Variants in PCDH9 observed in about 807,000 individuals in gnomAD.
The protein encoded by PCDH9 is protocadherin 9.
Under a neutral mutation model 70.6 loss-of-function variants are expected in PCDH9, and 24 were observed. The ratio of observed to expected loss-of-function variants is 0.34; its 90% CI spans 0.25 to 0.48. The LOEUF is 0.48. Ranked by LOEUF, PCDH9 falls within the 20% of genes least tolerant of loss-of-function variation. The pLI is 0.99. For missense variants in PCDH9, 1,281 were observed against 1,503.6 expected (o/e 0.85, Z 2.45); for synonymous variants, 562 against 558.5 (o/e 1.01, Z -0.09).
chr13:67,066,002 T>C (rs979443495), intron 2 of PCDH9, among the ~76,000 whole-genome samples: 1 of 152,172 alleles, frequency 6.6e-6, no homozygotes, highest in Non-Finnish European at 1.5e-5. Flanking sequence ...TCAAATTTTC[T>C]GGATAATATG....
intron 4 of PCDH9, among the ~76,000 whole-genome samples, chr13:66,365,402 T>A (rs1956537606): frequency 6.6e-6 from 1 of 152,210 alleles, no homozygotes; most frequent in Non-Finnish European, 1.5e-5. Context: ...ATGTTATAAC[T>A]GGCACAATGT....
Position 66,698,895 on chromosome 13 carries a change from C to CT in PCDH9, c.3139-67485dup, listed in dbSNP as rs67333897. 7.0e-3 allele frequency among the ~76,000 whole-genome samples: 430 copies of CT among 61,014 alleles called. 2 individuals are homozygous for CT. The highest frequency in any genetic ancestry group is 0.01 in the South Asian group (13 of 1,256). 40.0% of individuals were successfully genotyped at this position (61,014 alleles called of 152,430 possible). On this transcript the variant is annotated intron_variant, in intron 3 of 4. Coordinates refer to ENST00000377865, the MANE Select transcript of PCDH9 (RefSeq NM_203487.3). ...AGACACTTCGCCCGGCTCAATTCCT[C>CT]TTTTTTTTTTTTTTTTTTTTTTGTT...
intron 3 of PCDH9, among the ~76,000 whole-genome samples, chr13:66,704,496 C>T (rs1481115097): frequency 6.6e-6 from 1 of 151,926 alleles, no homozygotes; most frequent in African/African-American, 2.4e-5. Flanking sequence ...CATTCCTAAA[C>T]TTAAAATGAA....
rs564771345 is a variant in PCDH9, at chr13:66,565,804, G to C, written c.3340+65406C>G. Among the ~76,000 whole-genome samples the C allele has an allele frequency of 2.1e-4, 32 of 152,200 alleles. No homozygotes were observed. In the South Asian group the frequency reaches 6.2e-3, roughly 30 times the overall value. On this transcript the variant is annotated intron_variant, in intron 4 of 4. Coordinates refer to ENST00000377865, the MANE Select transcript of PCDH9 (RefSeq NM_203487.3). ...TCCTTCAACAACATTGGTCTGTTAG[G>C]ATATAAATATAAAGGGATTTTGTTC...
chr13:66,322,449 T>G (rs555689412), intron 4 of PCDH9, among the ~76,000 whole-genome samples: 1 of 152,102 alleles, frequency 6.6e-6, no homozygotes, highest in Admixed American at 6.5e-5. Context: ...TAAGGGATCT[T>G]TAGGGACTGG....
At chr13:66,559,817 A>AAAAAATATAT (rs71677008) in intron 4 of PCDH9, among the ~76,000 whole-genome samples, 2 of 93,102 alleles carry the variant, frequency 2.1e-5, no homozygotes, top group African/African-American at 8.8e-5. Context: ...AAAAAAAAAA[A>AAAAAATATAT]ATATATATAT....
At chr13:67,144,676 C>A (rs2087477530) in intron 2 of PCDH9, among the ~76,000 whole-genome samples, 1 of 152,040 alleles carries the variant, frequency 6.6e-6, no homozygotes. Flanking sequence ...GCAAAGAATA[C>A]CTTTGTATAT....
chr13:67,074,268 T>C (rs2085833350), intron 2 of PCDH9, among the ~76,000 whole-genome samples: 1 of 152,046 alleles, frequency 6.6e-6, no homozygotes, highest in Non-Finnish European at 1.5e-5. Context: ...ATGGAATTAG[T>C]GCCTTTGTAA....
chr13:67,002,014 T>A (rs1406927303), intron 2 of PCDH9: 1 of 152,192 alleles, frequency 6.6e-6, no homozygotes, highest in East Asian at 1.9e-4. Context: ...AGAAATGTGC[T>A]CCTTGTTTTC....
At chr13:66,775,483 A>G (rs368875693) in intron 3 of PCDH9, among the ~76,000 whole-genome samples, 1 of 152,086 alleles carries the variant, frequency 6.6e-6, no homozygotes, top group Admixed American at 6.5e-5. Flanking sequence ...CCACTTGTAC[A>G]TGGATTTCCT....
chr13:66,905,066 T>C (rs1211638443), intron 2 of PCDH9, among the ~76,000 whole-genome samples: 1 of 152,088 alleles, frequency 6.6e-6, no homozygotes, highest in Non-Finnish European at 1.5e-5. Flanking sequence ...TAAGTAACTT[T>C]CATGTGTAAT....
intron 4 of PCDH9, among the ~76,000 whole-genome samples, chr13:66,480,211 G>C (rs1023668036): frequency 6.6e-6 from 1 of 152,192 alleles, no homozygotes; most frequent in Non-Finnish European, 1.5e-5. Context: ...TGCAGATGTG[G>C]TGGGAATAGC....
At chr13:67,059,735 C>T (rs1204705038) in intron 2 of PCDH9, among the ~76,000 whole-genome samples, 2 of 151,862 alleles carry the variant, frequency 1.3e-5, no homozygotes, top group African/African-American at 4.8e-5. Flanking sequence ...TCTGTTGTGA[C>T]ACTAATTTTC....
chr13:66,868,026 T>C (rs2081606910), intron 3 of PCDH9, among the ~76,000 whole-genome samples: 2 of 151,988 alleles, frequency 1.3e-5, no homozygotes, highest in South Asian at 2.1e-4. Context: ...ATTTAAATAA[T>C]AAATTAGCTA....
chr13:66,594,770 C>G (rs983553938), intron 4 of PCDH9, among the ~76,000 whole-genome samples: 2 of 151,520 alleles, frequency 1.3e-5, no homozygotes, highest in Admixed American at 6.6e-5. Context: ...TCTGTTCCCG[C>G]ATTAGTTTGC....
intron 2 of PCDH9, among the ~76,000 whole-genome samples, chr13:67,124,280 G>T (rs1334738751): frequency 6.6e-6 from 1 of 152,042 alleles, no homozygotes; most frequent in Non-Finnish European, 1.5e-5. Flanking sequence ...ATAAAAAGAT[G>T]AAAACCCTAT....
chr13:67,011,951 T>C (rs1229981697), intron 2 of PCDH9, among the ~76,000 whole-genome samples: 2 of 151,960 alleles, frequency 1.3e-5, no homozygotes, highest in African/African-American at 4.8e-5. Flanking sequence ...TATAGCTTTA[T>C]AAAGAGAACA....
intron 2 of PCDH9, among the ~76,000 whole-genome samples, chr13:67,145,373 T>A (rs750843323): frequency 4.6e-5 from 7 of 151,964 alleles, no homozygotes; most frequent in Non-Finnish European, 7.4e-5. Flanking sequence ...CTTGTCAAAT[T>A]TTTTTTGTTC....
At chr13:66,348,775 C>T (rs529859099) in intron 4 of PCDH9, among the ~76,000 whole-genome samples, 5 of 149,232 alleles carry the variant, frequency 3.4e-5, no homozygotes, top group Admixed American at 2.0e-4. Flanking sequence ...TCTTTGCAAT[C>T]AGTACCTACT....
Sources: gnomAD v4.1 joint callset for allele counts (sites outside exome capture counted in the v4.1 genomes callset) on GRCh38, gnomAD v4.1.1 for gene constraint, MANE v1.5 for transcripts, NCBI Gene and HGNC (gene_info 2026-07-23, HGNC 2026-07-21) for gene names.